MAGEC3: variants seen among roughly 807,000 people sequenced by gnomAD.
MAGEC3 encodes MAGE family member C3.
In MAGEC3, 34 loss-of-function variants were observed where a neutral mutation model predicts 35.3. That is an observed-to-expected ratio of 0.96 (90% confidence interval 0.73 to 1.28). The LOEUF (loss-of-function observed/expected upper bound fraction) is 1.28, where lower values mean the gene tolerates loss of function less well. Ranked by LOEUF, MAGEC3 falls within the 50% of genes most tolerant of loss-of-function variation. The pLI is 0.00. For synonymous variants in MAGEC3, 202 were observed against 185.6 expected (o/e 1.09, Z -0.72); for missense variants, 561 against 483.6 (o/e 1.16, Z -1.50).
At chrX:141,846,414 A>C (rs1370886323) in intron 1 of MAGEC3, among the ~76,000 whole-genome samples, 2 of 109,928 alleles carry the variant, frequency 1.8e-5, no homozygotes, top group Non-Finnish European at 3.8e-5. Flanking sequence ...TATGATTGGC[A>C]GTTTACTGTG....
chrX:141,842,682 T>G (rs2017692943), intron 1 of MAGEC3, among the ~76,000 whole-genome samples: 1 of 111,452 alleles, frequency 9.0e-6, no homozygotes, highest in East Asian at 2.8e-4. Flanking sequence ...CCTGGAAATA[T>G]AAATAAAGAC....
chrX:141,849,621 C>T (rs2017738342), intron 1 of MAGEC3, among the ~76,000 whole-genome samples: 1 of 110,951 alleles, frequency 9.0e-6, no homozygotes. Context: ...ATGAAAGTAG[C>T]CAACAAACAC....
At chrX:141,888,526 AC>A (rs1026356246) in intron 4 of MAGEC3, among the ~76,000 whole-genome samples, 4 of 112,295 alleles carry the variant, frequency 3.6e-5, no homozygotes, top group African/African-American at 1.3e-4. Context: ...GTGGTCAAAA[AC>A]TGTGAAGATA....
intron 6 of MAGEC3, chrX:141,896,497 G>A: frequency 8.4e-7 from 1 of 1,183,886 alleles, no homozygotes; most frequent in South Asian, 2.0e-5. Context: ...CACCTTAAGA[G>A]AAGAAGAGCT....
intron 4 of MAGEC3, among the ~76,000 whole-genome samples, chrX:141,888,319 A>G (rs1248005003): frequency 8.9e-6 from 1 of 112,142 alleles, no homozygotes; most frequent in East Asian, 2.8e-4. Flanking sequence ...AGGGACTTCT[A>G]AGTGGGCAGA....
chrX:141,857,423 C>T (rs1171900025), intron 1 of MAGEC3, among the ~76,000 whole-genome samples: 1 of 111,163 alleles, frequency 9.0e-6, no homozygotes, highest in African/African-American at 3.3e-5. Flanking sequence ...TCCACATTTT[C>T]GCATCAGGTT....
At chrX:141,872,853 C>G (rs2017897020) in intron 2 of MAGEC3, among the ~76,000 whole-genome samples, 1 of 111,837 alleles carries the variant, frequency 8.9e-6, no homozygotes, top group Admixed American at 9.4e-5. Context: ...AGTTGTCCTC[C>G]TCACGCAAAT....
chrX:141,862,239 T>TC (rs754713061), intron 1 of MAGEC3, among the ~76,000 whole-genome samples: 1 of 111,727 alleles, frequency 9.0e-6, no homozygotes, highest in Non-Finnish European at 1.9e-5. Context: ...TGAGATATTA[T>TC]CTTACCATAG....
chrX:141,850,499 C>A (rs2017744566), intron 1 of MAGEC3, among the ~76,000 whole-genome samples: 1 of 111,432 alleles, frequency 9.0e-6, no homozygotes, highest in Non-Finnish European at 1.9e-5. Context: ...AATCAGCTGG[C>A]AAAATTCCTT....
chrX:141,840,093 G>C, intron 1 of MAGEC3: 2 of 614,036 alleles, frequency 3.3e-6, no homozygotes, highest in Non-Finnish European at 3.9e-6. Flanking sequence ...TTTGTGTGAG[G>C]AGACCTATTC....
chrX:141,870,739 G>C (rs1268997866), intron 2 of MAGEC3, among the ~76,000 whole-genome samples: 1 of 111,775 alleles, frequency 8.9e-6, no homozygotes, highest in Non-Finnish European at 1.9e-5. Context: ...TGTATAACCT[G>C]TTAAGTTTTT....
At chrX:141,851,967 C>T (rs2017753072) in intron 1 of MAGEC3, among the ~76,000 whole-genome samples, 2 of 110,616 alleles carry the variant, frequency 1.8e-5, no homozygotes, top group African/African-American at 3.3e-5. Flanking sequence ...TTATTCATTT[C>T]TGCAAAAATT....
intron 1 of MAGEC3, among the ~76,000 whole-genome samples, chrX:141,852,382 G>C (rs2017756316): frequency 9.1e-6 from 1 of 110,248 alleles, no homozygotes; most frequent in African/African-American, 3.3e-5. Flanking sequence ...AAATCACGCA[G>C]TCTGCAATAG....
At chrX:141,846,803 T>C (rs752124833) in intron 1 of MAGEC3, among the ~76,000 whole-genome samples, 31 of 111,034 alleles carry the variant, frequency 2.8e-4, no homozygotes, top group Non-Finnish European at 4.8e-4. Flanking sequence ...TGAGCTCCAT[T>C]GTTAAATTAT....
intron 1 of MAGEC3, among the ~76,000 whole-genome samples, chrX:141,858,445 T>A (rs755922320): frequency 2.1e-4 from 23 of 111,443 alleles, no homozygotes; most frequent in African/African-American, 7.2e-4. Context: ...CTTATATGGG[T>A]GCCTTTCTCA....
chrX:141,846,142 C>T (rs72617975), intron 1 of MAGEC3, among the ~76,000 whole-genome samples: 2 of 108,798 alleles, frequency 1.8e-5, no homozygotes, highest in East Asian at 5.8e-4. Flanking sequence ...AGATTCAGAT[C>T]TGCACTGCTT....
chrX:141,857,850 A>T (rs1298856573), intron 1 of MAGEC3, among the ~76,000 whole-genome samples: 2 of 111,042 alleles, frequency 1.8e-5, no homozygotes, highest in Non-Finnish European at 3.8e-5. Context: ...ATTGTATTGC[A>T]CTCCAGTATA....
intron 1 of MAGEC3, among the ~76,000 whole-genome samples, chrX:141,856,171 G>A (rs758329954): frequency 1.8e-5 from 2 of 111,611 alleles, no homozygotes; most frequent in South Asian, 3.7e-4. Flanking sequence ...CTTAGAAAGC[G>A]AAAGACAAGC....
intron 1 of MAGEC3, among the ~76,000 whole-genome samples, chrX:141,855,232 T>G (rs2017773040): frequency 9.0e-6 from 1 of 111,059 alleles, no homozygotes; most frequent in Admixed American, 9.6e-5. Context: ...GTTTTTTTTT[T>G]CTGGATCAGC....
Sources: allele counts gnomAD v4.1 joint callset (sites outside exome capture counted in the v4.1 genomes callset), GRCh38; gene constraint gnomAD v4.1.1; transcripts MANE v1.5; gene names NCBI Gene and HGNC (gene_info 2026-07-23, HGNC 2026-07-21).